The following EFNB2 variants were observed in gnomAD, a reference collection of about 807,000 sequenced individuals.
EFNB2 encodes ephrin B2, also known as ephrin-B2.
In EFNB2, 5 loss-of-function variants were observed where a neutral mutation model predicts 32.1. The observed-to-expected ratio is 0.16, with a 90% CI of 0.08 to 0.33. The LOEUF (loss-of-function observed/expected upper bound fraction) is 0.33. EFNB2 is among the 10% of genes least tolerant of loss of function. The pLI is 1.00. For synonymous variants in EFNB2, 168 were observed against 166.5 expected, an observed-to-expected ratio of 1.01 and a Z score of -0.07; for missense variants, 263 against 422.6, an observed-to-expected ratio of 0.62 and a Z score of 3.31.
At chr13:106,522,124 G>C (rs1879543163) in intron 1 of EFNB2, among the ~76,000 whole-genome samples, 1 of 152,050 alleles carries the variant, frequency 6.6e-6, no homozygotes, top group African/African-American at 2.4e-5. Context: ...AAGAAAAAAT[G>C]TGGAGATTTG....
At chr13:106,521,858 C>G (rs919715792) in intron 1 of EFNB2, among the ~76,000 whole-genome samples, 3 of 150,624 alleles carry the variant, frequency 2.0e-5, no homozygotes, top group African/African-American at 7.4e-5. Flanking sequence ...GAAGGGCATA[C>G]CTATAAATGG....
chr13:106,533,299 G>C (rs1417852447), intron 1 of EFNB2, among the ~76,000 whole-genome samples: 1 of 151,962 alleles, frequency 6.6e-6, no homozygotes, highest in Non-Finnish European at 1.5e-5. Flanking sequence ...CCGGACTCCG[G>C]GACCCGCTGC....
chr13:106,535,117 C>T lies in EFNB2; in HGVS notation c.-153G>A. The T allele has an allele frequency of 9.9e-7, 1 of 1,009,210 alleles. No individual in the cohort carries two copies. The highest frequency in any genetic ancestry group is 2.1e-5 in the South Asian group (1 of 47,768). The allele number at this position is 1,009,210 out of a possible 1,614,324, so 62.5% of individuals were successfully genotyped here. A position where few individuals can be genotyped will look rare whatever the true frequency, so the allele number is the denominator to read the frequency against. ...CGCGCTGCGCAGCTCCAGCGGTCGC[C>T]GGGCCAGGTGCGCTCGCTCTCCGGG... On this transcript the variant is annotated 5_prime_UTR_variant, in exon 1 of 5. Coordinates refer to ENST00000646441, the MANE Select transcript of EFNB2 (RefSeq NM_004093.4).
intron 3 of EFNB2, 124 bp downstream of exon 3, chr13:106,495,624 A>C (rs972949050): frequency 6.8e-6 from 6 of 881,860 alleles, no homozygotes; most frequent in Middle Eastern, 2.3e-4. Flanking sequence ...CAAAGTGCAG[A>C]AGGGTTTGCT....
At chr13:106,498,753 C>G (rs1878675292) in intron 2 of EFNB2, among the ~76,000 whole-genome samples, 1 of 152,294 alleles carries the variant, frequency 6.6e-6, no homozygotes, top group South Asian at 2.1e-4. Flanking sequence ...GTAGGTTCCT[C>G]TGAAGCCACA....
chr13:106,501,330 A>G (rs1878769890), intron 2 of EFNB2, among the ~76,000 whole-genome samples: 1 of 51,040 alleles, frequency 2.0e-5, no homozygotes, highest in Non-Finnish European at 5.8e-5. Flanking sequence ...AAAGAATTTC[A>G]TTCATTTTTT....
chr13:106,527,709 T>C (rs1487494361), intron 1 of EFNB2, among the ~76,000 whole-genome samples: 1 of 152,248 alleles, frequency 6.6e-6, no homozygotes, highest in Non-Finnish European at 1.5e-5. Flanking sequence ...GAAAGCATTT[T>C]ATAACTGGTC....
Position 106,491,755 on chromosome 13 carries a change from GACCT to G in EFNB2, c.*1281_*1284del, listed in dbSNP as rs1878414981. 6.6e-6 allele frequency: 1 copy of G among 152,612 alleles called. No individual in the cohort carries two copies. The highest frequency in any genetic ancestry group is 1.5e-5 in the Non-Finnish European group (1 of 68,068). 9.5% of individuals were successfully genotyped at this position (152,612 alleles called of 1,614,324 possible). A position where few individuals can be genotyped will look rare whatever the true frequency, so the allele number is the denominator to read the frequency against. On this transcript the variant is annotated 3_prime_UTR_variant, in exon 5 of 5. Transcript: ENST00000646441. ...GAGGAACCTGGGGGGAGGGGGATCT[GACCT>G]ACCTTTTATAGATAAGGATTCTTTA... is the stretch of plus-strand genomic sequence containing the variant.
At chr13:106,509,794 T>C (rs1479503040) in intron 2 of EFNB2, 1 of 152,234 alleles carries the variant, frequency 6.6e-6, no homozygotes, top group African/African-American at 2.4e-5. Flanking sequence ...ACATTTGTTC[T>C]CTGCATTTCC....
intron 1 of EFNB2, among the ~76,000 whole-genome samples, chr13:106,527,413 A>T (rs777403258): frequency 9.2e-5 from 14 of 152,314 alleles, no homozygotes; most frequent in Non-Finnish European, 1.9e-4. Flanking sequence ...CGTGCTTTAG[A>T]GAATGAAAAG....
intron 1 of EFNB2, among the ~76,000 whole-genome samples, chr13:106,523,498 C>G (rs1879602958): frequency 6.6e-6 from 1 of 152,160 alleles, no homozygotes. Context: ...GGAGGATGTG[C>G]TGGGGACTCT....
chr13:106,503,944 T>C (rs1347686488), intron 2 of EFNB2, among the ~76,000 whole-genome samples: 1 of 152,214 alleles, frequency 6.6e-6, no homozygotes, highest in African/African-American at 2.4e-5. Flanking sequence ...CTATTGTCTA[T>C]ATTAGCTGTA....
chr13:106,511,287 T>C (rs148810875), intron 2 of EFNB2, among the ~76,000 whole-genome samples: 321 of 152,302 alleles, frequency 2.1e-3, no homozygotes, highest in Non-Finnish European at 2.9e-3. Context: ...TGTATCAAGT[T>C]GGCTTTAAAA....
chr13:106,525,961 T>A (rs1191309948), intron 1 of EFNB2, among the ~76,000 whole-genome samples: 2 of 152,148 alleles, frequency 1.3e-5, no homozygotes, highest in Non-Finnish European at 1.5e-5. Flanking sequence ...AGCTTTAATG[T>A]TGAGTTGTTT....
chr13:106,494,771 C>A, intron 4 of EFNB2, 110 bp downstream of exon 4: 1 of 786,278 alleles, frequency 1.3e-6, no homozygotes, highest in Non-Finnish European at 2.2e-6. Context: ...ACTGTAACTT[C>A]CAGCTAATCC....
chr13:106,524,997 A>G lies in EFNB2; in HGVS notation c.122+9846T>C, dbSNP rs576764901. 5.0e-4 allele frequency among the ~76,000 whole-genome samples: 76 copies of G among 152,258 alleles called. No individual in the cohort carries two copies. The South Asian group carries it at 6.6e-3, about 13-fold the overall frequency. The stretch of plus-strand genomic sequence containing the variant: ...TAGTCTTTATTAACAGAGTATTTTA[A>G]TTTTTTCCTTGTATGCAAAGGCAAA... On this transcript the variant is annotated intron_variant, in intron 1 of 4. Transcript: ENST00000646441.
At position 106,492,314 on chromosome 13, in the gene EFNB2, C is replaced by T. The variant is rs1046174383; in HGVS notation, c.*726G>A. The stretch of plus-strand genomic sequence containing the variant: ...TTGCAGCCAGCCCTTTCCCCAGCCC[C>T]ACTCCCTTCTATGAACTCCTAGCCT... On this transcript the variant is annotated 3_prime_UTR_variant, in exon 5 of 5. Coordinates refer to ENST00000646441, the MANE Select transcript of EFNB2 (RefSeq NM_004093.4). The surrounding 1 kb of genome is among the most constrained non-coding windows in gnomAD (Gnocchi z 5.1). 1 of 152,408 alleles carries T rather than the reference C, an allele frequency of 6.6e-6. No homozygotes were observed. The highest frequency in any genetic ancestry group is 2.4e-5 in the African/African-American group (1 of 41,480). The allele number at this position is 152,408 out of a possible 1,614,324, so 9.4% of individuals were successfully genotyped here.
At chr13:106,516,295 A>G (rs1037626994) in intron 1 of EFNB2, 1 of 152,176 alleles carries the variant, frequency 6.6e-6, no homozygotes, top group African/African-American at 2.4e-5. Flanking sequence ...CTCTCTGGAA[A>G]AAGTTCTAAG....
chr13:106,497,050 A>C (rs1348935947), intron 2 of EFNB2, among the ~76,000 whole-genome samples: 2 of 152,256 alleles, frequency 1.3e-5, no homozygotes, highest in Non-Finnish European at 2.9e-5. Context: ...TAAATCCCAA[A>C]GACATTCTTC....
Sources: allele counts gnomAD v4.1 joint callset (sites outside exome capture counted in the v4.1 genomes callset), GRCh38; gene constraint gnomAD v4.1.1; non-coding constraint Gnocchi (gnomAD v3.1); transcripts MANE v1.5; gene names NCBI Gene and HGNC (gene_info 2026-07-23, HGNC 2026-07-21).